Variants in ENTREP2 observed in about 807,000 individuals in gnomAD.
The protein encoded by ENTREP2 is endosomal transmembrane epsin interactor 2.
At chr15:29,664,977 G>C in the ENTREP2 span, among the ~76,000 whole-genome samples, 1 of 152,180 alleles carries the variant, frequency 6.6e-6, no homozygotes, top group African/African-American at 2.4e-5. Flanking sequence ...CCGGTTTTCT[G>C]AAGTCCTTAA....
At chr15:29,565,834 G>A in the ENTREP2 span, among the ~76,000 whole-genome samples, 2 of 151,954 alleles carry the variant, frequency 1.3e-5, no homozygotes, top group Non-Finnish European at 2.9e-5. Context: ...GGTGGCGGGC[G>A]CCTGTAGTCC....
the ENTREP2 span, among the ~76,000 whole-genome samples, chr15:29,189,781 T>C: frequency 6.6e-6 from 1 of 152,194 alleles, no homozygotes; most frequent in Non-Finnish European, 1.5e-5. Flanking sequence ...TATGTCACAG[T>C]CTTGCGCTGG....
At chr15:29,626,202 C>T in the ENTREP2 span, among the ~76,000 whole-genome samples, 7 of 152,184 alleles carry the variant, frequency 4.6e-5, no homozygotes, top group South Asian at 2.1e-4. Context: ...GCTATACTCA[C>T]TTAGCTCTAG....
chr15:29,404,411 C>G, the ENTREP2 span, among the ~76,000 whole-genome samples: 8,327 of 152,000 alleles, frequency 0.055, 265 homozygotes, highest in African/African-American at 0.091. Context: ...GCTCCCCTTT[C>G]CCCTCACTGG....
the ENTREP2 span, among the ~76,000 whole-genome samples, chr15:29,628,312 AT>A: frequency 3.3e-5 from 5 of 152,128 alleles, no homozygotes; most frequent in Admixed American, 2.0e-4. Context: ...CCATTTTTAA[AT>A]TGAGTTGCTT....
At chr15:29,152,309 A>G in the ENTREP2 span, among the ~76,000 whole-genome samples, 2 of 152,136 alleles carry the variant, frequency 1.3e-5, no homozygotes, top group African/African-American at 2.4e-5. Context: ...CTATAGTACA[A>G]TATCACAGCC....
the ENTREP2 span, among the ~76,000 whole-genome samples, chr15:29,228,256 T>C: frequency 1.3e-5 from 2 of 151,968 alleles, no homozygotes; most frequent in Non-Finnish European, 2.9e-5. Flanking sequence ...GAGGTGGAGG[T>C]TGCAGTGAGC....
the ENTREP2 span, among the ~76,000 whole-genome samples, chr15:29,300,481 A>T: frequency 3.3e-5 from 5 of 152,298 alleles, no homozygotes; most frequent in East Asian, 3.9e-4. Context: ...CCAATGGTAG[A>T]TAATCACTGG....
At chr15:29,503,299 C>T in the ENTREP2 span, among the ~76,000 whole-genome samples, 1 of 152,076 alleles carries the variant, frequency 6.6e-6, no homozygotes, top group Non-Finnish European at 1.5e-5. Context: ...CATGGATGAA[C>T]CTTGTAAACA....
the ENTREP2 span, among the ~76,000 whole-genome samples, chr15:29,479,604 C>CTCTCTCTCCCTCCCTCTCTCTCTT: frequency 9.0e-6 from 1 of 111,510 alleles, no homozygotes; most frequent in East Asian, 2.6e-4. Context: ...GGCTGCAATT[C>CTCTCTCTCCCTCCCTCTCTCTCTT]TCTCTCTCCC....
At chr15:29,261,406 T>C in the ENTREP2 span, among the ~76,000 whole-genome samples, 1 of 152,044 alleles carries the variant, frequency 6.6e-6, no homozygotes. Flanking sequence ...TAGCCAGGCA[T>C]GGTGGCGCTT....
chr15:29,230,304 C>A, the ENTREP2 span, among the ~76,000 whole-genome samples: 1 of 152,128 alleles, frequency 6.6e-6, no homozygotes, highest in South Asian at 2.1e-4. Flanking sequence ...ATACGTAAAT[C>A]TGATCACATT....
At chr15:29,379,855 G>A in the ENTREP2 span, among the ~76,000 whole-genome samples, 3 of 152,132 alleles carry the variant, frequency 2.0e-5, no homozygotes, top group Non-Finnish European at 2.9e-5. Flanking sequence ...CCCACTCTGC[G>A]GAAGGCGGCT....
the ENTREP2 span, among the ~76,000 whole-genome samples, chr15:29,371,360 A>ACACACACACACACACACT: frequency 6.7e-6 from 1 of 150,106 alleles, no homozygotes; most frequent in African/African-American, 2.4e-5. Context: ...ACACACACAC[A>ACACACACACACACACACT]CACACACACA....
the ENTREP2 span, among the ~76,000 whole-genome samples, chr15:29,454,372 T>C: frequency 3.9e-5 from 6 of 152,356 alleles, no homozygotes; most frequent in Admixed American, 2.0e-4. Flanking sequence ...TTACCAATTC[T>C]GTTGATGCTG....
the ENTREP2 span, chr15:29,137,207 G>A: frequency 1.4e-6 from 2 of 1,467,142 alleles, no homozygotes; most frequent in African/African-American, 1.5e-5. Context: ...GGAAAACAGA[G>A]ACAACCACAG....
the ENTREP2 span, among the ~76,000 whole-genome samples, chr15:29,119,690 AAAAAAG>A: frequency 9.8e-5 from 1 of 10,210 alleles, no homozygotes; most frequent in African/African-American, 1.2e-4. Context: ...AAAAAAAAAA[AAAAAAG>A]AATGAAAAGC....
At chr15:29,130,428 G>A in the ENTREP2 span, among the ~76,000 whole-genome samples, 10 of 152,010 alleles carry the variant, frequency 6.6e-5, no homozygotes, top group East Asian at 1.9e-4. Context: ...ATGTCCTAAC[G>A]GTTTGTTTCA....
chr15:29,396,804 T>C, the ENTREP2 span, among the ~76,000 whole-genome samples: 101 of 152,292 alleles, frequency 6.6e-4, 1 homozygote, highest in African/African-American at 2.3e-3. Context: ...TAGTTAAGGG[T>C]CCAACTTCAT....
Sources: gnomAD v4.1 joint callset for allele counts (sites outside exome capture counted in the v4.1 genomes callset) on GRCh38, gnomAD v4.1.1 for gene constraint, MANE v1.5 for transcripts, NCBI Gene and HGNC (gene_info 2026-07-23, HGNC 2026-07-21) for gene names.